The following ERN1 variants were observed in gnomAD, a reference collection of about 807,000 sequenced individuals.
The protein encoded by ERN1 is endoplasmic reticulum to nucleus signaling 1.
ERN1 carries 39 observed loss-of-function variants against 113.1 expected under a neutral mutation model. The ratio of observed to expected loss-of-function variants is 0.34; its 90% CI spans 0.27 to 0.45. ERN1 has a LOEUF of 0.45. Among genes scored for constraint, ERN1 ranks in the 20% least tolerant of loss-of-function variants. The pLI, the probability that ERN1 is intolerant of heterozygous loss-of-function variation, is 1.00. For synonymous variants in ERN1, 507 were observed against 515.9 expected (o/e 0.98, Z 0.23); for missense variants, 976 against 1,274.8 (o/e 0.77, Z 3.57).
rs770498220 is a variant in ERN1, at chr17:64,098,146, G to C, written c.150C>G (p.Gly50=). The change falls in exon 2 of 22, where the codon GGC becomes GGG. Residue 50 remains glycine (G), a synonymous_variant. Coordinates refer to ENST00000433197, the MANE Select transcript of ERN1 (RefSeq NM_001433.5). The stretch of plus-strand genomic sequence containing the variant: ...CTTCTTTTAAAGTCCATTTGATTGA[G>C]CCTGTCCTCTTGCTGACAGCATGCA... ...GSLHAVSKRT[G]SIKWTLKEDP... is the part of the protein sequence containing the mutation. 4 of 1,613,830 alleles carry C rather than the reference G, an allele frequency of 2.5e-6. No individual in the cohort carries two copies. Among genetic ancestry groups the C allele is most frequent in the Non-Finnish European group, 3.4e-6 (4 of 1,179,878 alleles).
chr17:64,084,743 G>A (rs1278561755), intron 2 of ERN1, among the ~76,000 whole-genome samples: 2 of 152,126 alleles, frequency 1.3e-5, no homozygotes, highest in Admixed American at 1.3e-4. Context: ...TAAATCCCAA[G>A]CAGTCCCTCC....
At chr17:64,060,704 C>G in intron 10 of ERN1, 117 bp from the exon 11 acceptor site, 1 of 697,798 alleles carries the variant, frequency 1.4e-6, no homozygotes, top group Admixed American at 2.4e-5. Flanking sequence ...AAACTCTCAG[C>G]AGGACTGTGA....
At chr17:64,092,487 A>G (rs745710985) in intron 2 of ERN1, among the ~76,000 whole-genome samples, 2 of 152,178 alleles carry the variant, frequency 1.3e-5, no homozygotes, top group Non-Finnish European at 2.9e-5. Flanking sequence ...AACCTGGAGT[A>G]GTATCTGGAT....
Position 64,040,253 on chromosome 17 carries a change from C to T in ERN1, c.*3735G>A, listed in dbSNP as rs1039907205. 5.3e-5 allele frequency: 8 copies of T among 152,308 alleles called. No individual in the cohort carries two copies. Among genetic ancestry groups the T allele is most frequent in the Admixed American group, 5.2e-4 (8 of 15,286 alleles). The allele number at this position is 152,308 out of a possible 1,614,324, so 9.4% of individuals were successfully genotyped here. On this transcript the variant is annotated 3_prime_UTR_variant, in exon 22 of 22. Transcript: ENST00000433197. ...GCTCCTTCCAGGGCGCTGGGCTTCT[C>T]TTCCAGCACAGAAGGCTGCAAAAGT...
chr17:64,097,987 T>G (rs1217885002), intron 2 of ERN1, 134 bp downstream of exon 2: 1 of 1,203,062 alleles, frequency 8.3e-7, no homozygotes, highest in Non-Finnish European at 1.2e-6. Context: ...CCTTTTCCTC[T>G]CTTGATCCCA....
chr17:64,082,129 T>C (rs993632980), intron 2 of ERN1, among the ~76,000 whole-genome samples: 4 of 152,208 alleles, frequency 2.6e-5, no homozygotes, highest in Non-Finnish European at 5.9e-5. Flanking sequence ...TTAAGCCTTA[T>C]CATATGTTGA....
chr17:64,106,431 C>T (rs981497001), intron 1 of ERN1, among the ~76,000 whole-genome samples: 29 of 152,268 alleles, frequency 1.9e-4, no homozygotes, highest in African/African-American at 7.0e-4. Context: ...GGCAATCATG[C>T]TTGGAGGTGG....
At chr17:64,057,650 G>C (rs1567864207) in intron 12 of ERN1, among the ~76,000 whole-genome samples, 152 bp downstream of exon 12, 1 of 152,208 alleles carries the variant, frequency 6.6e-6, no homozygotes. Context: ...TTACAGGCGT[G>C]AGCCACTGTG....
At chr17:64,097,213 C>A (rs1914254356) in intron 2 of ERN1, among the ~76,000 whole-genome samples, 1 of 152,174 alleles carries the variant, frequency 6.6e-6, no homozygotes, top group African/African-American at 2.4e-5. Flanking sequence ...TTGTGGTAAC[C>A]CAGCTGCCAT....
Position 64,066,657 on chromosome 17 carries a change from A to G in ERN1, c.842+14T>C. The G allele has an allele frequency of 6.2e-7, 1 of 1,611,776 alleles. No individual in the cohort carries two copies. On this transcript the variant is annotated intron_variant, in intron 8 of 21. Transcript: ENST00000433197. Reference sequence around the variant, plus strand: ...GCCACGGCCGCCCTCTCCTTCCCCGAGCTCCCAACTCACGTCAGCTTGCTC... The same window carrying G: ...GCCACGGCCGCCCTCTCCTTCCCCGGGCTCCCAACTCACGTCAGCTTGCTC...
chr17:64,128,143 C>T (rs58623685), intron 1 of ERN1, among the ~76,000 whole-genome samples: 7,120 of 150,438 alleles, frequency 0.047, 207 homozygotes, highest in Middle Eastern at 0.068. Context: ...TACAGGCCTG[C>T]GCTACCACGC....
rs1034106949 is a variant in ERN1, at chr17:64,126,368, A to G, written c.54+3608T>C. 2.0e-5 allele frequency among the ~76,000 whole-genome samples: 3 copies of G among 152,240 alleles called. No individual in the cohort carries two copies. In the South Asian group the frequency reaches 6.2e-4, roughly 32 times the overall value. On this transcript the variant is annotated intron_variant, in intron 1 of 21. Transcript: ENST00000433197. Reference sequence around the variant, plus strand: ...AAGAGGTTTCCTATGAAAATGAAACAGTTATCCAAGGATTCTTTCACCTGA... The same window carrying G: ...AAGAGGTTTCCTATGAAAATGAAACGGTTATCCAAGGATTCTTTCACCTGA...
In ERN1 at chr17:64,080,638, T is replaced by A; in HGVS notation, c.209+137A>T. 3 of 748,646 alleles carry A rather than the reference T, an allele frequency of 4.0e-6. No homozygotes were observed. The South Asian group carries it at 5.4e-5, about 13-fold the overall frequency. The allele number at this position is 748,646 out of a possible 1,614,324, so 46.4% of individuals were successfully genotyped here. On this transcript the variant is annotated intron_variant, in intron 3 of 21. Transcript: ENST00000433197. ...CAACACAAGCTTTCATCATAGCACC[T>A]GTAAGACTTTATATGTCACTCACTG... is the stretch of plus-strand genomic sequence containing the variant.
At position 64,049,114 on chromosome 17, in the gene ERN1, C is replaced by T. The variant is rs754299988; in HGVS notation, c.2342G>A (p.Arg781Gln). 2.4e-5 allele frequency: 38 copies of T among 1,610,376 alleles called. No homozygotes were observed. The highest frequency in any genetic ancestry group is 4.0e-5 in the African/African-American group (3 of 74,834). ...GGCACCCAGGAGGATGTTGGCCTGCCGCTGCAGGGACTTGCCAAAAGGGTG... is the reference window on the plus strand; with the variant it reads ...GGCACCCAGGAGGATGTTGGCCTGCTGCTGCAGGGACTTGCCAAAAGGGTG... ...GSHPFGKSLQ[R>Q]QANILLGACS... The change falls in exon 18 of 22, where the codon CGG becomes CAG. Residue 781 changes from arginine to glutamine, a missense_variant. This residue lies in a region of ERN1 where 297 missense variants were observed against 457.8 expected (regional missense o/e 0.65). Coordinates refer to ENST00000433197, the MANE Select transcript of ERN1 (RefSeq NM_001433.5). This position sits in a 1 kb window ranked among gnomAD's most constrained non-coding sequence, Gnocchi z 4.7.
intron 1 of ERN1, among the ~76,000 whole-genome samples, chr17:64,117,699 A>G (rs971493847): frequency 6.6e-6 from 1 of 152,112 alleles, no homozygotes; most frequent in Non-Finnish European, 1.5e-5. Context: ...GTGGTCAGGG[A>G]AGGCCCTAGG....
At chr17:64,102,210 C>T (rs969561989) in intron 1 of ERN1, among the ~76,000 whole-genome samples, 12 of 152,208 alleles carry the variant, frequency 7.9e-5, no homozygotes, top group African/African-American at 2.4e-4. Context: ...TGCTTGAACC[C>T]GGGAGGCAGA....
At position 64,063,893 on chromosome 17, in the gene ERN1, G is replaced by T. The variant is rs1598053776; in HGVS notation, c.1087+93C>A. 8.0e-7 allele frequency: 1 copy of T among 1,252,088 alleles called. No homozygotes were observed. Among genetic ancestry groups the T allele is most frequent in the African/African-American group, 1.5e-5 (1 of 67,540 alleles). 77.6% of individuals were successfully genotyped at this position (1,252,088 alleles called of 1,614,324 possible). ...AAGGGCTCTGAGCACAAGGCCTTCC[G>T]AGCTCAGTACGGTGTAACTACCAGG... On this transcript the variant is annotated intron_variant, in intron 10 of 21. Coordinates refer to ENST00000433197, the MANE Select transcript of ERN1 (RefSeq NM_001433.5). The surrounding 1 kb of genome is among the most constrained non-coding windows in gnomAD (Gnocchi z 5.1).
chr17:64,043,758 G>T lies in ERN1; in HGVS notation c.*230C>A. 2.3e-6 allele frequency: 1 copy of T among 437,014 alleles called. No individual in the cohort carries two copies. The allele number at this position is 437,014 out of a possible 1,614,324, so 27.1% of individuals were successfully genotyped here. A position where few individuals can be genotyped will look rare whatever the true frequency, so the allele number is the denominator to read the frequency against. On this transcript the variant is annotated 3_prime_UTR_variant, in exon 22 of 22. Transcript: ENST00000433197. ...GCCCTCCTTTGCAGACATCATGACC[G>T]TAAGGCTTTTGGGGCCAGCATCTTC...
intron 1 of ERN1, among the ~76,000 whole-genome samples, chr17:64,110,374 C>T (rs149871885): frequency 6.6e-6 from 1 of 152,212 alleles, no homozygotes; most frequent in East Asian, 1.9e-4. Context: ...TTCAAATCTA[C>T]TCTCTTAGCC....
Sources: gnomAD v4.1 joint callset for allele counts (sites outside exome capture counted in the v4.1 genomes callset) on GRCh38, gnomAD v4.1.1 for gene constraint, gnomAD v4.1.1 regional missense constraint, Gnocchi (gnomAD v3.1) non-coding constraint, MANE v1.5 for transcripts, NCBI Gene and HGNC (gene_info 2026-07-23, HGNC 2026-07-21) for gene names.